The following ZCCHC2 variants were observed in gnomAD, a reference collection of about 807,000 sequenced individuals.
ZCCHC2 encodes the protein zinc finger CCHC domain-containing protein 2.
In ZCCHC2, 39 loss-of-function variants were observed where a neutral mutation model predicts 103.6. That is an observed-to-expected ratio of 0.38 (90% confidence interval 0.29 to 0.49). ZCCHC2 has a LOEUF of 0.49. Among genes scored for constraint, ZCCHC2 ranks in the 20% least tolerant of loss-of-function variants. The pLI is 0.96. For missense variants in ZCCHC2, 1,483 were observed against 1,491.0 expected, an observed-to-expected ratio of 0.99 and a Z score of 0.09; for synonymous variants, 687 against 608.9, an observed-to-expected ratio of 1.13 and a Z score of -1.89.
At chr18:62,553,156 A>G (rs1004654151) in intron 5 of ZCCHC2, among the ~76,000 whole-genome samples, 195 of 139,862 alleles carry the variant, frequency 1.4e-3, no homozygotes, top group African/African-American at 4.7e-3. Context: ...CCTTAGATTT[A>G]TGTGTGTGTG....
chr18:62,561,742 C>T (rs1916126646), intron 8 of ZCCHC2, among the ~76,000 whole-genome samples: 1 of 152,228 alleles, frequency 6.6e-6, no homozygotes. Flanking sequence ...TTCAATCGGT[C>T]TTACTGCTGC....
At chr18:62,554,362 G>A (rs1376499851) in intron 5 of ZCCHC2, among the ~76,000 whole-genome samples, 1 of 152,242 alleles carries the variant, frequency 6.6e-6, no homozygotes, top group Non-Finnish European at 1.5e-5. Flanking sequence ...TGTAGGTTAG[G>A]AAAATGAAAA....
At chr18:62,559,597 A>G (rs1916032757) in intron 7 of ZCCHC2, among the ~76,000 whole-genome samples, 1 of 152,252 alleles carries the variant, frequency 6.6e-6, no homozygotes, top group Non-Finnish European at 1.5e-5. Context: ...AGATAATTAT[A>G]TGCTGCTGTC....
chr18:62,539,975 C>T (rs951708138), intron 2 of ZCCHC2, among the ~76,000 whole-genome samples, 183 bp downstream of exon 2: 1 of 152,140 alleles, frequency 6.6e-6, no homozygotes, highest in African/African-American at 2.4e-5. Flanking sequence ...GTGTTTCCTG[C>T]GCCACAGCCC....
chr18:62,553,929 T>G lies in ZCCHC2; in HGVS notation c.1314-2274T>G, dbSNP rs557831231. 7.4e-4 allele frequency among the ~76,000 whole-genome samples: 113 copies of G among 152,374 alleles called. 1 individual carries two copies. The highest frequency in any genetic ancestry group is 3.4e-3 in the Middle Eastern group (1 of 294). ...ACCATAGAGGTGTTTTAAATTTTTA[T>G]ATACTCAGATTTATTGATCTTTTCT... On this transcript the variant is annotated intron_variant, in intron 5 of 13. Transcript: ENST00000269499.
chr18:62,543,575 G>T (rs1915290882), intron 3 of ZCCHC2, among the ~76,000 whole-genome samples: 1 of 152,084 alleles, frequency 6.6e-6, no homozygotes, highest in Non-Finnish European at 1.5e-5. Context: ...CTCACAGCTT[G>T]CCTTCCTAAA....
In ZCCHC2 at chr18:62,574,398, C is replaced by G; in HGVS notation, c.2317C>G (p.Leu773Val). The G allele has an allele frequency of 6.2e-7, 1 of 1,614,008 alleles. No individual in the cohort carries two copies. The highest frequency in any genetic ancestry group is 8.5e-7 in the Non-Finnish European group (1 of 1,179,896). ...TGCAAATTCAACCCCTGTTGGAATA[C>G]TAGGGCCAACAGCTTGCACTGGAGA... The part of the protein sequence containing the change: ...ESANSTPVGI[L>V]GPTACTGESE... The change falls in exon 13 of 14, where the codon CTA becomes GTA. Residue 773 changes from leucine (L) to valine (V), a missense_variant. Leu to Val is a conservative substitution (Grantham distance 32). Around this residue, in one of 3 missense-constraint regions of ZCCHC2, gnomAD observed 884 missense variants for 907.5 expected, o/e 0.97. Coordinates refer to ENST00000269499, the MANE Select transcript of ZCCHC2 (RefSeq NM_017742.6).
exon 15 of ZCCHC2, chr18:62,585,936 G>A (rs181405461): frequency 6.6e-6 from 1 of 152,328 alleles, no homozygotes; most frequent in Non-Finnish European, 1.5e-5. Flanking sequence ...GTGACGGTGA[G>A]CCCAGGCAGT....
At chr18:62,527,091 A>G (rs1914458718) in intron 1 of ZCCHC2, 2 of 136,082 alleles carry the variant, frequency 1.5e-5, no homozygotes, top group African/African-American at 5.6e-5. Flanking sequence ...TTTCTTAACT[A>G]CTAAGTGAAG....
At chr18:62,583,178 T>C (rs1598974389), downstream of ZCCHC2, among the ~76,000 whole-genome samples, 1 of 152,046 alleles carries the variant, frequency 6.6e-6, no homozygotes, top group Non-Finnish European at 1.5e-5. Context: ...CTTTGGATGG[T>C]GAGGAACCTA....
chr18:62,574,562 C>T lies in ZCCHC2; in HGVS notation c.2481C>T (p.Cys827=). 6.2e-7 allele frequency: 1 copy of T among 1,613,970 alleles called. No homozygotes were observed. Among genetic ancestry groups the T allele is most frequent in the Non-Finnish European group, 8.5e-7 (1 of 1,179,888 alleles). The part of the protein sequence containing the change: ...LPPPQGSSES[C]TVNIPQQPPG... ...CACCACAGGGATCTTCTGAGAGCTGCACAGTTAACATCCCACAACAACCAC... is the reference window on the plus strand; with the variant it reads ...CACCACAGGGATCTTCTGAGAGCTGTACAGTTAACATCCCACAACAACCAC... Residue 827 remains cysteine, a synonymous_variant, in exon 13 of 14, where the codon TGC becomes TGT. Transcript: ENST00000269499.
chr18:62,563,334 TTTTA>T (rs1916207688), intron 9 of ZCCHC2, among the ~76,000 whole-genome samples, 190 bp downstream of exon 9: 1 of 152,220 alleles, frequency 6.6e-6, no homozygotes, highest in African/African-American at 2.4e-5. Flanking sequence ...TTTAGATTAC[TTTTA>T]TTGCTTGTGT....
At chr18:62,531,989 G>C (rs530080463) in intron 1 of ZCCHC2, among the ~76,000 whole-genome samples, 6 of 151,980 alleles carry the variant, frequency 3.9e-5, no homozygotes, top group Non-Finnish European at 8.8e-5. Flanking sequence ...GTTTCAAAAA[G>C]GAGAGAAGAA....
intron 1 of ZCCHC2, among the ~76,000 whole-genome samples, chr18:62,529,961 T>C (rs569505333): frequency 6.6e-6 from 1 of 152,336 alleles, no homozygotes; most frequent in East Asian, 1.9e-4. Flanking sequence ...TTACATAGCA[T>C]CTATGTTGTG....
intron 1 of ZCCHC2, among the ~76,000 whole-genome samples, chr18:62,533,464 G>T (rs1384814391): frequency 6.6e-6 from 1 of 152,162 alleles, no homozygotes; most frequent in African/African-American, 2.4e-5. Context: ...GGCAGAGGTT[G>T]CAGTGAGCCG....
intron 4 of ZCCHC2, among the ~76,000 whole-genome samples, 157 bp from the exon 5 acceptor site, chr18:62,550,191 A>G (rs574208290): frequency 6.6e-6 from 1 of 152,372 alleles, no homozygotes; most frequent in African/African-American, 2.4e-5. Flanking sequence ...GTGCTGCTTC[A>G]TTATGGGGTC....
At chr18:62,533,198 T>C (rs560272538) in intron 1 of ZCCHC2, among the ~76,000 whole-genome samples, 1 of 152,322 alleles carries the variant, frequency 6.6e-6, no homozygotes, top group South Asian at 2.1e-4. Flanking sequence ...TCAGTCATAA[T>C]TTCCTGTGTT....
At chr18:62,534,855 C>T (rs936523858) in intron 1 of ZCCHC2, among the ~76,000 whole-genome samples, 1 of 152,202 alleles carries the variant, frequency 6.6e-6, no homozygotes, top group Non-Finnish European at 1.5e-5. Flanking sequence ...GGGAAAATTG[C>T]CCATTCTATA....
chr18:62,543,720 G>A (rs1261820784), intron 3 of ZCCHC2, among the ~76,000 whole-genome samples: 6 of 151,976 alleles, frequency 3.9e-5, no homozygotes, highest in Admixed American at 3.9e-4. Flanking sequence ...CTCCGTTCTT[G>A]TACCATGCCC....
Sources: allele counts gnomAD v4.1 joint callset (sites outside exome capture counted in the v4.1 genomes callset), GRCh38; gene constraint gnomAD v4.1.1; regional missense constraint gnomAD v4.1.1; transcripts MANE v1.5; gene names NCBI Gene and HGNC (gene_info 2026-07-23, HGNC 2026-07-21).